Variants in COP1 observed in about 807,000 individuals in gnomAD.
COP1 encodes E3 ubiquitin-protein ligase COP1.
In COP1, 24 loss-of-function variants were observed where a neutral mutation model predicts 101.3. The ratio of observed to expected loss-of-function variants is 0.24; its 90% CI spans 0.17 to 0.33. The LOEUF (loss-of-function observed/expected upper bound fraction) is 0.33, where lower values mean the gene tolerates loss of function less well. COP1 is among the 10% of genes least tolerant of loss of function. COP1 has a pLI of 1.00. For missense variants in COP1, 663 were observed against 906.2 expected (o/e 0.73, Z 3.45); for synonymous variants, 347 against 341.9 (o/e 1.01, Z -0.17).
chr1:176,171,430 A>C (rs1696039264), intron 3 of COP1, among the ~76,000 whole-genome samples: 1 of 152,216 alleles, frequency 6.6e-6, no homozygotes, highest in East Asian at 1.9e-4. Context: ...GCTTAAGGGA[A>C]TGTTGTGGCT....
At chr1:176,067,857 C>T (rs1296389362) in intron 11 of COP1, among the ~76,000 whole-genome samples, 1 of 152,224 alleles carries the variant, frequency 6.6e-6, no homozygotes, top group Non-Finnish European at 1.5e-5. Flanking sequence ...AACGTTTACC[C>T]CCAGACACTG....
At chr1:175,975,486 T>C (rs1438513178) in intron 18 of COP1, among the ~76,000 whole-genome samples, 1 of 152,170 alleles carries the variant, frequency 6.6e-6, no homozygotes, top group Non-Finnish European at 1.5e-5. Flanking sequence ...CTCGGCTCAC[T>C]GCAATCTCTG....
At chr1:176,197,134 C>G (rs1333792273) in intron 1 of COP1, among the ~76,000 whole-genome samples, 2 of 152,026 alleles carry the variant, frequency 1.3e-5, no homozygotes, top group African/African-American at 4.8e-5. Flanking sequence ...GACCCCAATC[C>G]AATACAACCA....
At chr1:176,105,728 G>C (rs927845781) in intron 9 of COP1, among the ~76,000 whole-genome samples, 10 of 152,148 alleles carry the variant, frequency 6.6e-5, no homozygotes, top group African/African-American at 2.4e-4. Context: ...TCATGAGTCA[G>C]GGAGTTGTTT....
chr1:176,010,738 C>T (rs1481759459), intron 15 of COP1, among the ~76,000 whole-genome samples: 3 of 152,148 alleles, frequency 2.0e-5, no homozygotes, highest in Non-Finnish European at 2.9e-5. Context: ...GCTATCTCCA[C>T]AGCCATTAAG....
Position 176,027,582 on chromosome 1 carries a change from G to T in COP1, c.1719C>A (p.Phe573Leu). ...FSPSSRYHLA[F>L]GCADHCVHYY... ...GCTTTCATTTCTTACCTGCACAGCCGAAAGCCAAATGGTATCTGGAAGAGG... is the reference window on the plus strand; with the variant it reads ...GCTTTCATTTCTTACCTGCACAGCCTAAAGCCAAATGGTATCTGGAAGAGG... Residue 573 changes from phenylalanine to leucine, a missense_variant, in exon 15 of 20, where the codon TTC becomes TTA. Phe to Leu is a conservative substitution (Grantham distance 22). This residue lies in a region of COP1 where 209 missense variants were observed against 383.3 expected (regional missense o/e 0.55). Transcript: ENST00000367669. 1 of 1,608,832 alleles carries T rather than the reference G, an allele frequency of 6.2e-7. No homozygotes were observed. The highest frequency in any genetic ancestry group is 8.5e-7 in the Non-Finnish European group (1 of 1,175,592).
At chr1:176,108,396 T>C (rs574475801) in intron 9 of COP1, among the ~76,000 whole-genome samples, 17 of 152,344 alleles carry the variant, frequency 1.1e-4, no homozygotes, top group African/African-American at 3.6e-4. Flanking sequence ...TTTGCACATA[T>C]GATTAATACC....
intron 9 of COP1, among the ~76,000 whole-genome samples, chr1:176,098,842 C>A (rs560156071): frequency 2.0e-5 from 3 of 152,182 alleles, no homozygotes; most frequent in Admixed American, 1.3e-4. Flanking sequence ...AATTGTCTTT[C>A]CTGATGCCTA....
intron 14 of COP1, among the ~76,000 whole-genome samples, chr1:176,040,865 A>C (rs1670405955): frequency 6.6e-6 from 1 of 152,230 alleles, no homozygotes; most frequent in Non-Finnish European, 1.5e-5. Flanking sequence ...TGAAAGTTAT[A>C]GGCAGAAAAG....
chr1:175,998,896 G>A (rs1660925260), intron 15 of COP1, among the ~76,000 whole-genome samples: 1 of 152,032 alleles, frequency 6.6e-6, no homozygotes, highest in South Asian at 2.1e-4. Context: ...TTCATTGAGT[G>A]GTACTGATTT....
At chr1:176,067,582 A>G (rs1676221320) in intron 11 of COP1, among the ~76,000 whole-genome samples, 1 of 152,016 alleles carries the variant, frequency 6.6e-6, no homozygotes, top group Non-Finnish European at 1.5e-5. Context: ...GGGGAAACCC[A>G]CTTTCCCACT....
Position 176,046,189 on chromosome 1 carries a change from C to T in COP1, c.1413G>A (p.Ser471=), listed in dbSNP as rs775362186. 22 of 1,600,312 alleles carry T rather than the reference C, an allele frequency of 1.4e-5. No individual in the cohort carries two copies. The highest frequency in any genetic ancestry group is 3.4e-5 in the South Asian group (3 of 88,132). ...HYPENEMTCN[S]KISCISWSSY... ...GAAAATAATGTAAATACCTGATTTT[C>T]GAATTGCAGGTCATTTCATTCTCAG... The change falls in exon 12 of 20, where the codon TCG becomes TCA. Residue 471 remains serine, a synonymous_variant. Transcript: ENST00000367669.
chr1:176,124,370 ATT>A lies in COP1; in HGVS notation c.969-7691_969-7690del, dbSNP rs61307325. On this transcript the variant is annotated intron_variant, in intron 8 of 19. Coordinates refer to ENST00000367669, the MANE Select transcript of COP1 (RefSeq NM_022457.7). Reference sequence around the variant, plus strand: ...TACTAGATCTTATTCATTTTAATTAATTTTTTTTTTTTATCCATTAAACGTTC... The same window carrying A: ...TACTAGATCTTATTCATTTTAATTAATTTTTTTTTTATCCATTAAACGTTC... Among the ~76,000 whole-genome samples the A allele has an allele frequency of 3.0e-3, 435 of 146,956 alleles. 3 individuals carry two copies. The highest frequency in any genetic ancestry group is 9.7e-3 in the African/African-American group (386 of 39,876).
rs374871944 is a variant in COP1, at chr1:176,108,856, C to G, written c.1026+7768G>C. Among the ~76,000 whole-genome samples, 398 of 152,192 alleles carry G rather than the reference C, an allele frequency of 2.6e-3. 3 individuals carry two copies. The highest frequency in any genetic ancestry group is 9.2e-3 in the African/African-American group (380 of 41,526). On this transcript the variant is annotated intron_variant, in intron 9 of 19. Transcript: ENST00000367669. ...TGGCCTGGAGCGGTGGCTCATGCCT[C>G]TAATCCCAGCACTTTGGGAGGCAGA...
chr1:176,012,582 C>T (rs1664875857), intron 15 of COP1, among the ~76,000 whole-genome samples: 2 of 152,156 alleles, frequency 1.3e-5, no homozygotes, highest in African/African-American at 4.8e-5. Context: ...CCTAGGTCTT[C>T]ATATTCACTC....
At chr1:176,201,739 T>A (rs532573875) in intron 1 of COP1, among the ~76,000 whole-genome samples, 127 of 152,306 alleles carry the variant, frequency 8.3e-4, no homozygotes, top group African/African-American at 3.0e-3. Context: ...TGCCCCACCA[T>A]CTGATAGTCC....
intron 18 of COP1, among the ~76,000 whole-genome samples, chr1:175,983,553 GA>G (rs374224199): frequency 7.2e-5 from 11 of 152,136 alleles, no homozygotes; most frequent in African/African-American, 2.7e-4. Context: ...GACTAATACA[GA>G]AAATTGGTAC....
chr1:176,133,404 A>C (rs190185489), intron 8 of COP1, among the ~76,000 whole-genome samples: 355 of 151,546 alleles, frequency 2.3e-3, no homozygotes, highest in Non-Finnish European at 3.8e-3. Context: ...TATGTGCTCT[A>C]TTATTTTCTT....
chr1:176,089,299 T>TAAC (rs143549335), intron 9 of COP1, among the ~76,000 whole-genome samples: 11,288 of 150,438 alleles, frequency 0.075, 484 homozygotes, highest in African/African-American at 0.12. Context: ...TCTAAAACAA[T>TAAC]AACAACAACA....
Sources: allele counts gnomAD v4.1 joint callset (sites outside exome capture counted in the v4.1 genomes callset), GRCh38; gene constraint gnomAD v4.1.1; regional missense constraint gnomAD v4.1.1; transcripts MANE v1.5; gene names NCBI Gene and HGNC (gene_info 2026-07-23, HGNC 2026-07-21).